LMF1: variants seen among roughly 807,000 people sequenced by gnomAD.
LMF1 encodes the protein transmembrane protein 112.
In LMF1, 68 loss-of-function variants were observed where a neutral mutation model predicts 60.6. The observed-to-expected ratio is 1.12, with a 90% CI of 0.92 to 1.37. The LOEUF is 1.37. Ranked by LOEUF, LMF1 falls within the 40% of genes most tolerant of loss-of-function variation. The pLI, the probability that LMF1 is intolerant of heterozygous loss-of-function variation, is 0.00. For missense variants in LMF1, 948 were observed against 767.2 expected (o/e 1.24, Z -2.78); for synonymous variants, 418 against 324.7 (o/e 1.29, Z -3.09).
chr16:859,175 T>C lies in LMF1; in HGVS notation c.1530-4469A>G, dbSNP rs1241637260. 3.6e-3 allele frequency among the ~76,000 whole-genome samples: 356 copies of C among 98,770 alleles called. 1 individual carries two copies. The highest frequency in any genetic ancestry group is 0.019 in the African/African-American group (336 of 18,126). 64.8% of individuals were successfully genotyped at this position (98,770 alleles called of 152,430 possible). On this transcript the variant is annotated intron_variant, in intron 10 of 10. Coordinates refer to ENST00000262301, the MANE Select transcript of LMF1 (RefSeq NM_022773.4). ...GTGCAGTGGTGTCTCGGGACGGGTG[T>C]GAGTGGTGTCTCGGGACGGGTGTGA...
At position 874,578 on chromosome 16, in the gene LMF1, C is replaced by T. The variant is rs919433596; in HGVS notation, c.898-3237G>A. Among the ~76,000 whole-genome samples the T allele has an allele frequency of 3.3e-5, 5 of 152,120 alleles. No homozygotes were observed. The highest frequency in any genetic ancestry group is 2.1e-4 in the South Asian group (1 of 4,826). On this transcript the variant is annotated intron_variant, in intron 6 of 10. Transcript: ENST00000262301. The surrounding 1 kb of genome is among the most constrained non-coding windows in gnomAD (Gnocchi z 4.1). ...CAGGCAGGCAGCGGCCCCAGGGCCC[C>T]GCGGAACCCTCCGGAACAGCTGTGT...
intron 10 of LMF1, among the ~76,000 whole-genome samples, chr16:861,791 T>C (rs757956804): frequency 1.3e-5 from 2 of 152,238 alleles, no homozygotes; most frequent in Non-Finnish European, 2.9e-5. Flanking sequence ...TCCTGCGTAC[T>C]GCAGTGCCCA....
In LMF1 at chr16:956,060, G is replaced by A. The variant is rs71384621; in HGVS notation, c.194-1394C>T. On this transcript the variant is annotated intron_variant, in intron 1 of 10. Transcript: ENST00000262301. ...GAGTTCACGTCTCACGGCGCCCACC[G>A]CACGACGGCTCTCTCACATCCACAG... Among the ~76,000 whole-genome samples the A allele has an allele frequency of 1.5e-3, 31 of 21,286 alleles. 3 individuals are homozygous for A. Among genetic ancestry groups the A allele is most frequent in the Non-Finnish European group, 2.0e-3 (29 of 14,150 alleles). 14.0% of individuals were successfully genotyped at this position (21,286 alleles called of 152,430 possible).
chr16:892,606 T>A (rs986474300), intron 5 of LMF1, among the ~76,000 whole-genome samples: 1 of 152,214 alleles, frequency 6.6e-6, no homozygotes, highest in Non-Finnish European at 1.5e-5. Flanking sequence ...CAGGTAACGA[T>A]GGAGCCACAG....
At chr16:862,915 A>G (rs568187177) in intron 10 of LMF1, among the ~76,000 whole-genome samples, 6 of 152,214 alleles carry the variant, frequency 3.9e-5, no homozygotes, top group East Asian at 3.9e-4. Flanking sequence ...CTTCTCTTCT[A>G]TTTTCTGGGA....
chr16:864,974 C>T (rs1227930031), intron 10 of LMF1, among the ~76,000 whole-genome samples: 2 of 152,140 alleles, frequency 1.3e-5, no homozygotes, highest in African/African-American at 4.8e-5. Context: ...AATATACAGT[C>T]GGTCATTTTA....
At chr16:871,616 G>T (rs554347425) in intron 6 of LMF1, 2 of 446,622 alleles carry the variant, frequency 4.5e-6, no homozygotes, top group African/African-American at 2.0e-5. Flanking sequence ...TTAGTGATCC[G>T]CAAGGCGGGG....
intron 10 of LMF1, chr16:855,038 G>A (rs1238641992): frequency 4.7e-6 from 2 of 425,582 alleles, no homozygotes; most frequent in Admixed American, 3.5e-5. Flanking sequence ...GCAAGCCTGA[G>A]ACCGTTCACA....
In LMF1 at chr16:888,224, C is replaced by T. The variant is rs529862682; in HGVS notation, c.729+4783G>A. ...AGGGAAGTGGCCGTGGGTCCCTGCCCGCCCAGGCCCTGGCAGGGGCTGCCC... is the reference window on the plus strand; with the variant it reads ...AGGGAAGTGGCCGTGGGTCCCTGCCTGCCCAGGCCCTGGCAGGGGCTGCCC... On this transcript the variant is annotated intron_variant, in intron 5 of 10. Transcript: ENST00000262301. Among the ~76,000 whole-genome samples, 27 of 152,262 alleles carry T rather than the reference C, an allele frequency of 1.8e-4. 1 individual carries two copies. Among genetic ancestry groups the T allele is most frequent in the East Asian group, 9.7e-4 (5 of 5,166 alleles).
At chr16:907,317 C>T (rs577896109) in intron 4 of LMF1, among the ~76,000 whole-genome samples, 8 of 152,002 alleles carry the variant, frequency 5.3e-5, no homozygotes, top group East Asian at 1.9e-4. Flanking sequence ...AGGAGAATGG[C>T]GTGAACCCAG....
intron 3 of LMF1, among the ~76,000 whole-genome samples, chr16:914,707 C>CCTCCCTCCT (rs2071229076): frequency 1.7e-4 from 11 of 64,734 alleles, no homozygotes; most frequent in East Asian, 5.0e-4. Flanking sequence ...ACACTCCCTC[C>CCTCCCTCCT]CACGACCATT....
intron 3 of LMF1, among the ~76,000 whole-genome samples, chr16:931,473 G>A (rs1281931261): frequency 6.6e-6 from 1 of 152,250 alleles, no homozygotes; most frequent in African/African-American, 2.4e-5. Context: ...GGACACAGAC[G>A]CACACGCGGC....
chr16:978,645 CCT>C, intron 1 of LMF1, among the ~76,000 whole-genome samples: 3 of 152,140 alleles, frequency 2.0e-5, no homozygotes, highest in African/African-American at 7.2e-5. Flanking sequence ...GTACACTCCC[CCT>C]GAAACTGCAA....
At chr16:896,409 G>A (rs2070662681) in intron 4 of LMF1, among the ~76,000 whole-genome samples, 1 of 152,196 alleles carries the variant, frequency 6.6e-6, no homozygotes, top group Non-Finnish European at 1.5e-5. Context: ...CAGGGAGGGC[G>A]CCGAACACCC....
chr16:949,534 AGTCAGAGC>A, intron 2 of LMF1, among the ~76,000 whole-genome samples: 1 of 141,152 alleles, frequency 7.1e-6, no homozygotes, highest in Non-Finnish European at 1.5e-5. Flanking sequence ...CCAACGACAG[AGTCAGAGC>A]CAACGACAGA....
chr16:900,518 T>G (rs2070779465), intron 4 of LMF1: 1 of 152,176 alleles, frequency 6.6e-6, no homozygotes. Flanking sequence ...TTCTTTTCTT[T>G]TATTTTTTTG....
chr16:870,937 C>A (rs1482157224), intron 7 of LMF1, 55 bp from the exon 8 acceptor site: 1 of 1,536,816 alleles, frequency 6.5e-7, no homozygotes, highest in South Asian at 1.2e-5. Flanking sequence ...CGTGGCCTGT[C>A]CCTGGGGAGA....
At chr16:963,565 G>A (rs2072860975) in intron 1 of LMF1, among the ~76,000 whole-genome samples, 1 of 152,120 alleles carries the variant, frequency 6.6e-6, no homozygotes, top group Non-Finnish European at 1.5e-5. Flanking sequence ...ATGTATGCAG[G>A]TGGGAGAAAC....
chr16:860,460 C>T (rs1167884869), intron 10 of LMF1, among the ~76,000 whole-genome samples: 1 of 152,062 alleles, frequency 6.6e-6, no homozygotes, highest in African/African-American at 2.4e-5. Context: ...CCACCTCAGC[C>T]TCCCGAGTAG....
Sources: allele counts gnomAD v4.1 joint callset (sites outside exome capture counted in the v4.1 genomes callset), GRCh38; gene constraint gnomAD v4.1.1; non-coding constraint Gnocchi (gnomAD v3.1); transcripts MANE v1.5; gene names NCBI Gene and HGNC (gene_info 2026-07-23, HGNC 2026-07-21).